The following ADGRB3 variants were observed in gnomAD, a reference collection of about 807,000 sequenced individuals.
ADGRB3 encodes the protein adhesion G protein-coupled receptor B3, also known as brain-specific angiogenesis inhibitor 3.
A neutral mutation model predicts 193.4 loss-of-function variants in ADGRB3; 37 were observed. The observed-to-expected ratio is 0.19, with a 90% CI of 0.15 to 0.25. The LOEUF is 0.25. ADGRB3 is among the 10% of genes least tolerant of loss of function. The pLI, the probability that ADGRB3 is intolerant of heterozygous loss-of-function variation, is 1.00. For missense variants in ADGRB3, 1,637 were observed against 1,852.9 expected (o/e 0.88, Z 2.14); for synonymous variants, 690 against 644.2 (o/e 1.07, Z -1.08).
intron 17 of ADGRB3, among the ~76,000 whole-genome samples, chr6:69,146,389 G>A (rs894771365): frequency 9.2e-5 from 14 of 152,370 alleles, no homozygotes; most frequent in African/African-American, 3.4e-4. Context: ...GCCTGAGAAG[G>A]CAGAAGGCCT....
At chr6:69,002,233 T>C (rs1025118444) in intron 11 of ADGRB3, among the ~76,000 whole-genome samples, 2 of 151,802 alleles carry the variant, frequency 1.3e-5, no homozygotes, top group African/African-American at 4.8e-5. Flanking sequence ...TTTTTTTTTT[T>C]TTTTTTGATG....
chr6:68,705,074 A>T (rs1483067009), intron 3 of ADGRB3, among the ~76,000 whole-genome samples: 1 of 152,176 alleles, frequency 6.6e-6, no homozygotes, highest in Non-Finnish European at 1.5e-5. Flanking sequence ...GTTTTTCTAG[A>T]ATGTTCTTGC....
intron 11 of ADGRB3, among the ~76,000 whole-genome samples, chr6:68,995,379 A>T (rs1332507909): frequency 6.6e-6 from 1 of 152,192 alleles, no homozygotes; most frequent in Non-Finnish European, 1.5e-5. Flanking sequence ...TCCATGAAAT[A>T]ATCTCTAACT....
At chr6:68,874,494 T>A (rs1207056630) in intron 3 of ADGRB3, among the ~76,000 whole-genome samples, 1 of 152,152 alleles carries the variant, frequency 6.6e-6, no homozygotes, top group Non-Finnish European at 1.5e-5. Context: ...AAGTTAATAA[T>A]AAATAAAATT....
rs370814863 is a variant in ADGRB3, at chr6:69,111,820, TA to T, written c.2480+35789del. On this transcript the variant is annotated intron_variant, in intron 17 of 31. Coordinates refer to ENST00000370598, the MANE Select transcript of ADGRB3 (RefSeq NM_001704.3). ...ATCAAATACATGTGAACCATCAGCT[TA>T]AAAAAACCCTTCTATGAAAACTTTG... 6.0e-4 allele frequency among the ~76,000 whole-genome samples: 92 copies of T among 152,256 alleles called. No homozygotes were observed. The East Asian group carries it at 0.015, about 25-fold the overall frequency.
chr6:69,279,070 T>G (rs1305955432), intron 20 of ADGRB3, among the ~76,000 whole-genome samples: 1 of 51,890 alleles, frequency 1.9e-5, no homozygotes, highest in East Asian at 4.8e-4. Flanking sequence ...TAAATACATA[T>G]GTATATATAT....
At chr6:69,233,559 T>A in intron 18 of ADGRB3, 143 bp downstream of exon 18, 1 of 1,039,158 alleles carries the variant, frequency 9.6e-7, no homozygotes, top group Non-Finnish European at 1.4e-6. Flanking sequence ...TTAGCTATAG[T>A]AGCTTGGTGG....
intron 3 of ADGRB3, among the ~76,000 whole-genome samples, chr6:68,909,100 T>G (rs1766627638): frequency 6.6e-6 from 1 of 152,178 alleles, no homozygotes; most frequent in Non-Finnish European, 1.5e-5. Context: ...ATGAAATCTT[T>G]GCACTATTAG....
chr6:69,287,423 A>G (rs1767575948), intron 20 of ADGRB3, among the ~76,000 whole-genome samples: 1 of 152,144 alleles, frequency 6.6e-6, no homozygotes, highest in African/African-American at 2.4e-5. Flanking sequence ...ACCATTTCTC[A>G]TGGAAGGAAT....
chr6:68,680,571 T>C (rs556827619), intron 3 of ADGRB3, among the ~76,000 whole-genome samples: 1 of 152,092 alleles, frequency 6.6e-6, no homozygotes, highest in African/African-American at 2.4e-5. Flanking sequence ...TCCCAAAGTC[T>C]TTGAGGCTCC....
intron 3 of ADGRB3, among the ~76,000 whole-genome samples, chr6:68,684,529 GT>G (rs1764949615): frequency 1.3e-5 from 2 of 152,110 alleles, no homozygotes; most frequent in South Asian, 4.2e-4. Context: ...TTATAATGGG[GT>G]CACTGAAATC....
chr6:69,006,462 T>C (rs1226556481), intron 11 of ADGRB3, among the ~76,000 whole-genome samples: 1 of 152,092 alleles, frequency 6.6e-6, no homozygotes, highest in Non-Finnish European at 1.5e-5. Flanking sequence ...GTTAAAAGAA[T>C]GGTCTGTCTC....
intron 3 of ADGRB3, among the ~76,000 whole-genome samples, chr6:68,843,907 G>T (rs906279510): frequency 6.6e-6 from 1 of 152,098 alleles, no homozygotes; most frequent in Non-Finnish European, 1.5e-5. Context: ...CAGCTGCCAA[G>T]AATGTACATT....
chr6:69,162,778 C>T (rs1775033135), intron 17 of ADGRB3, among the ~76,000 whole-genome samples: 1 of 152,084 alleles, frequency 6.6e-6, no homozygotes, highest in African/African-American at 2.4e-5. Context: ...TCAGACATTA[C>T]TTTAATGGAA....
At chr6:69,237,448 T>G (rs1276550808) in intron 19 of ADGRB3, among the ~76,000 whole-genome samples, 1 of 152,014 alleles carries the variant, frequency 6.6e-6, no homozygotes, top group Non-Finnish European at 1.5e-5. Context: ...CATTTTTACA[T>G]GAAAAAATAA....
At chr6:68,815,391 A>G (rs1214390074) in intron 3 of ADGRB3, among the ~76,000 whole-genome samples, 2 of 152,156 alleles carry the variant, frequency 1.3e-5, no homozygotes, top group Admixed American at 1.3e-4. Context: ...TGAAGTTGTC[A>G]AAGTAAACCA....
At chr6:68,934,555 C>T (rs1281301125) in intron 4 of ADGRB3, among the ~76,000 whole-genome samples, 1 of 152,140 alleles carries the variant, frequency 6.6e-6, no homozygotes, top group Admixed American at 6.6e-5. Flanking sequence ...ATAGAATCCA[C>T]ATTGTTCATA....
chr6:69,130,659 G>A (rs955348293), intron 17 of ADGRB3, among the ~76,000 whole-genome samples: 2 of 151,152 alleles, frequency 1.3e-5, no homozygotes, highest in Admixed American at 6.6e-5. Flanking sequence ...TAACTACACT[G>A]GTTTTAGTAG....
At chr6:69,192,290 T>TA (rs1178880702) in intron 17 of ADGRB3, among the ~76,000 whole-genome samples, 1 of 152,086 alleles carries the variant, frequency 6.6e-6, no homozygotes. Context: ...AGTCCGATGT[T>TA]AGAGGGCAGG....
Sources: allele counts gnomAD v4.1 joint callset (sites outside exome capture counted in the v4.1 genomes callset), GRCh38; gene constraint gnomAD v4.1.1; transcripts MANE v1.5; gene names NCBI Gene and HGNC (gene_info 2026-07-23, HGNC 2026-07-21).